FAT1: variants seen among roughly 807,000 people sequenced by gnomAD.
FAT1 encodes protocadherin Fat 1.
In FAT1, 171 loss-of-function variants were observed where a neutral mutation model predicts 329.8. That is an observed-to-expected ratio of 0.52 (90% CI 0.46 to 0.59). The LOEUF (loss-of-function observed/expected upper bound fraction) is 0.59. Ranked by LOEUF, FAT1 falls within the 20% of genes least tolerant of loss-of-function variation. FAT1 has a pLI of 0.00. For synonymous variants in FAT1, 2,233 were observed against 2,228.6 expected, an observed-to-expected ratio of 1.00 and a Z score of -0.06; for missense variants, 5,672 against 5,774.4, an observed-to-expected ratio of 0.98 and a Z score of 0.57.
At chr4:186,644,540 GA>G (rs1579378140) in intron 3 of FAT1, among the ~76,000 whole-genome samples, 1 of 152,156 alleles carries the variant, frequency 6.6e-6, no homozygotes, top group African/African-American at 2.4e-5. Context: ...GTTCACCCCA[GA>G]AATGTATGCA....
chr4:186,637,735 C>T (rs2126567029), intron 4 of FAT1, among the ~76,000 whole-genome samples: 1 of 152,286 alleles, frequency 6.6e-6, no homozygotes, highest in East Asian at 1.9e-4. Context: ...AATGCTTATT[C>T]TCCCCTATCC....
chr4:186,667,812 G>A (rs1218792880), intron 2 of FAT1, among the ~76,000 whole-genome samples: 1 of 152,222 alleles, frequency 6.6e-6, no homozygotes, highest in African/African-American at 2.4e-5. Flanking sequence ...GCCCTGGAGT[G>A]ATGAGGAAAC....
At chr4:186,667,573 C>T (rs1304465537) in intron 2 of FAT1, among the ~76,000 whole-genome samples, 1 of 152,284 alleles carries the variant, frequency 6.6e-6, no homozygotes, top group East Asian at 1.9e-4. Flanking sequence ...TCACTGAATA[C>T]AACTTACGGA....
intron 3 of FAT1, among the ~76,000 whole-genome samples, chr4:186,661,549 G>A (rs751065744): frequency 7.2e-5 from 11 of 152,328 alleles, no homozygotes; most frequent in Non-Finnish European, 1.0e-4. Flanking sequence ...TCCAGGTGCC[G>A]GGAGGGTGGT....
chr4:186,646,181 C>A (rs1488945061), intron 3 of FAT1, among the ~76,000 whole-genome samples: 1 of 151,996 alleles, frequency 6.6e-6, no homozygotes, highest in African/African-American at 2.4e-5. Flanking sequence ...GTTCACCTCA[C>A]CCGGCAGGAA....
intron 2 of FAT1, among the ~76,000 whole-genome samples, chr4:186,665,234 G>A (rs946251136): frequency 2.6e-4 from 39 of 152,084 alleles, no homozygotes; most frequent in African/African-American, 2.4e-5. Context: ...AGAACCAAAT[G>A]GTATTTCTAG....
intron 2 of FAT1, among the ~76,000 whole-genome samples, chr4:186,664,806 G>A (rs1004582590): frequency 6.6e-6 from 1 of 152,130 alleles, no homozygotes; most frequent in Non-Finnish European, 1.5e-5. Context: ...CATGGTACAG[G>A]CTGGACTCTG....
At chr4:186,629,572 TAAG>T (rs756602417) in intron 7 of FAT1, among the ~76,000 whole-genome samples, 1 of 152,190 alleles carries the variant, frequency 6.6e-6, no homozygotes, top group Non-Finnish European at 1.5e-5. Flanking sequence ...CTTTAGAGTT[TAAG>T]AAGAAGAAAA....
chr4:186,651,318 C>T (rs1311596334), intron 3 of FAT1, among the ~76,000 whole-genome samples: 11 of 151,986 alleles, frequency 7.2e-5, no homozygotes, highest in Non-Finnish European at 7.4e-5. Context: ...AATGAAACGG[C>T]CCCAGAACAA....
chr4:186,603,902 G>T lies in FAT1; in HGVS notation c.10624C>A (p.Pro3542Thr), dbSNP rs764225334. 5.0e-6 allele frequency: 8 copies of T among 1,613,866 alleles called. No homozygotes were observed. In the East Asian group the frequency reaches 1.3e-4, roughly 27 times the overall value. Residue 3542 changes from proline (P) to threonine (T), a missense_variant, in exon 19 of 27, where the codon CCG (proline) becomes ACG (threonine). Transcript: ENST00000441802. ...DIRVIEESIY[P>T]PAILPLEIFI... ...ATCTCCAGGGGCAAAATCGCAGGCGGATAGATGCTCTCCTCAATTACCCTA... is the reference window on the plus strand; with the variant it reads ...ATCTCCAGGGGCAAAATCGCAGGCGTATAGATGCTCTCCTCAATTACCCTA...
At position 186,613,062 on chromosome 4, in the gene FAT1, T is replaced by C. The variant is rs780775949; in HGVS notation, c.9463+47A>G. ...GGGTGTGTTTTGAAACAGAGGCTCC[T>C]AGGATCTCAGTGAGCAGCGTCAGGC... On this transcript the variant is annotated intron_variant, in intron 13 of 26. Transcript: ENST00000441802. The C allele has an allele frequency of 5.2e-6, 7 of 1,346,066 alleles. No individual in the cohort carries two copies. The South Asian group carries it at 8.4e-5, about 16-fold the overall frequency. The allele number at this position is 1,346,066 out of a possible 1,614,324, so 83.4% of individuals were successfully genotyped here. A position where few individuals can be genotyped will look rare whatever the true frequency, so the allele number is the denominator to read the frequency against.
intron 2 of FAT1, among the ~76,000 whole-genome samples, chr4:186,672,936 C>T (rs561407724): frequency 6.6e-6 from 1 of 152,176 alleles, no homozygotes; most frequent in African/African-American, 2.4e-5. Context: ...AAAATCTGGG[C>T]TAAAGCGAAT....
intron 3 of FAT1, among the ~76,000 whole-genome samples, chr4:186,648,226 A>G (rs190347617): frequency 6.6e-6 from 1 of 152,102 alleles, no homozygotes; most frequent in Non-Finnish European, 1.5e-5. Flanking sequence ...TTCATTTTAT[A>G]CACTACTTTA....
chr4:186,656,658 T>C (rs530145955), intron 3 of FAT1, among the ~76,000 whole-genome samples: 11 of 152,158 alleles, frequency 7.2e-5, no homozygotes, highest in Non-Finnish European at 7.3e-5. Context: ...AGAAGTGCCA[T>C]TCCGGCTACT....
In FAT1 at chr4:186,601,439, C is replaced by A. The variant is rs775269930; in HGVS notation, c.11483-13G>T. On this transcript the variant is annotated splice_polypyrimidine_tract_variant and intron_variant, in intron 20 of 26. Coordinates refer to ENST00000441802, the MANE Select transcript of FAT1 (RefSeq NM_005245.4). ...ATAGATGAACTCCCTGTGAATCACA[C>A]AGAGGAAAAAATAAACCAGAACCAA... 9 of 1,597,110 alleles carry A rather than the reference C, an allele frequency of 5.6e-6. No individual in the cohort carries two copies. Among genetic ancestry groups the A allele is most frequent in the Non-Finnish European group, 6.9e-6 (8 of 1,166,368 alleles).
chr4:186,639,201 G>A (rs1740981237), intron 4 of FAT1, among the ~76,000 whole-genome samples: 2 of 152,084 alleles, frequency 1.3e-5, no homozygotes, highest in Admixed American at 6.6e-5. Context: ...TACTTTTGAG[G>A]TATTTAAGAA....
At position 186,618,540 on chromosome 4, in the gene FAT1, T is replaced by C. The variant is rs1028774245; in HGVS notation, c.8046A>G (p.Ser2682=). The C allele has an allele frequency of 9.9e-6, 16 of 1,614,050 alleles. No homozygotes were observed. The highest frequency in any genetic ancestry group is 1.4e-5 in the Non-Finnish European group (16 of 1,179,888). ...CATAGACAAGAACAACAGATTCTTTTGATGGAGACCCATTATCCACAGCTC... is the reference window on the plus strand; with the variant it reads ...CATAGACAAGAACAACAGATTCTTTCGATGGAGACCCATTATCCACAGCTC... ...FVRAVDNGSP[S]KESVVLVYVK... is the part of the protein sequence containing the mutation. The change falls in exon 10 of 27, where the codon TCA becomes TCG. Residue 2682 remains serine, a synonymous_variant. Transcript: ENST00000441802.
At chr4:186,685,803 G>T (rs759784881) in intron 2 of FAT1, among the ~76,000 whole-genome samples, 25 of 152,250 alleles carry the variant, frequency 1.6e-4, no homozygotes, top group Non-Finnish European at 3.2e-4. Context: ...AATACTGGCA[G>T]GTCCTGAGCT....
chr4:186,675,741 A>G lies in FAT1; in HGVS notation c.3266-12128T>C, dbSNP rs944105563. 4.1e-4 allele frequency among the ~76,000 whole-genome samples: 62 copies of G among 150,042 alleles called. 1 individual carries two copies. Among genetic ancestry groups the G allele is most frequent in the Non-Finnish European group, 7.4e-4 (50 of 67,620 alleles). On this transcript the variant is annotated intron_variant, in intron 2 of 26. Coordinates refer to ENST00000441802, the MANE Select transcript of FAT1 (RefSeq NM_005245.4). The stretch of plus-strand genomic sequence containing the variant: ...CAGGTGACAGAGTGAGACCCTGTCT[A>G]AAACACACACACACCCACACATACA...
Sources: gnomAD v4.1 joint callset for allele counts (sites outside exome capture counted in the v4.1 genomes callset) on GRCh38, gnomAD v4.1.1 for gene constraint, MANE v1.5 for transcripts, NCBI Gene and HGNC (gene_info 2026-07-23, HGNC 2026-07-21) for gene names.